The following RNGTT variants were observed in gnomAD, a reference collection of about 807,000 sequenced individuals.
The protein encoded by RNGTT is RNA guanylyltransferase and 5'-phosphatase, also known as mRNA-capping enzyme.
RNGTT carries 33 observed loss-of-function variants against 79.3 expected under a neutral mutation model. The observed-to-expected ratio is 0.42, with a 90% CI of 0.32 to 0.56. The LOEUF (loss-of-function observed/expected upper bound fraction) is 0.56. Among genes scored for constraint, RNGTT ranks in the 20% least tolerant of loss-of-function variants. The probability of loss-of-function intolerance (pLI) is 0.17; values close to 1 mark genes in which losing one functional copy is unlikely to be tolerated. For missense variants in RNGTT, 497 were observed against 739.1 expected, an observed-to-expected ratio of 0.67 and a Z score of 3.80; for synonymous variants, 222 against 235.9, an observed-to-expected ratio of 0.94 and a Z score of 0.54.
At chr6:88,682,683 G>A (rs1369740274) in intron 13 of RNGTT, among the ~76,000 whole-genome samples, 3 of 152,044 alleles carry the variant, frequency 2.0e-5, no homozygotes, top group Non-Finnish European at 4.4e-5. Flanking sequence ...GTGCTGCAAA[G>A]ATCATCCCAT....
intron 2 of RNGTT, among the ~76,000 whole-genome samples, chr6:88,930,041 C>T (rs1184923538): frequency 6.9e-6 from 1 of 145,318 alleles, no homozygotes; most frequent in East Asian, 2.0e-4. Context: ...CATATATATG[C>T]ATATATACAT....
At chr6:88,927,089 T>C (rs1435164151) in intron 4 of RNGTT, among the ~76,000 whole-genome samples, 1 of 152,206 alleles carries the variant, frequency 6.6e-6, no homozygotes, top group Non-Finnish European at 1.5e-5. Flanking sequence ...AAAAAAGTTT[T>C]AAAATATTAC....
At chr6:88,891,284 A>T (rs1221309993) in intron 7 of RNGTT, among the ~76,000 whole-genome samples, 1 of 152,170 alleles carries the variant, frequency 6.6e-6, no homozygotes, top group Non-Finnish European at 1.5e-5. Context: ...ACTGTATTAC[A>T]GTTCTCTGCC....
chr6:88,895,000 TA>T (rs1167499101), intron 6 of RNGTT, among the ~76,000 whole-genome samples: 1 of 152,184 alleles, frequency 6.6e-6, no homozygotes, highest in Non-Finnish European at 1.5e-5. Context: ...AATTGAGTAT[TA>T]AAGTCACTGA....
At chr6:88,664,994 G>A (rs554054976) in intron 14 of RNGTT, among the ~76,000 whole-genome samples, 8 of 152,326 alleles carry the variant, frequency 5.3e-5, no homozygotes, top group Non-Finnish European at 1.2e-4. Context: ...GGGGGGACAT[G>A]AAGTGATTCA....
chr6:88,943,573 A>C (rs995976580), intron 1 of RNGTT, among the ~76,000 whole-genome samples: 7 of 151,996 alleles, frequency 4.6e-5, no homozygotes, highest in Admixed American at 2.0e-4. Flanking sequence ...GGAAAAAAAA[A>C]ACACACACAC....
At chr6:88,813,098 G>C (rs1434403367) in intron 11 of RNGTT, among the ~76,000 whole-genome samples, 2 of 152,152 alleles carry the variant, frequency 1.3e-5, no homozygotes, top group African/African-American at 4.8e-5. Flanking sequence ...TGAGCCTGCA[G>C]GGTGGCAAAT....
At chr6:88,782,795 C>T (rs1779107429) in intron 12 of RNGTT, among the ~76,000 whole-genome samples, 1 of 152,090 alleles carries the variant, frequency 6.6e-6, no homozygotes, top group South Asian at 2.1e-4. Context: ...TGAAAAGCTG[C>T]TCAGCATTTC....
At chr6:88,961,906 C>T (rs1785640708) in intron 1 of RNGTT, among the ~76,000 whole-genome samples, 1 of 152,096 alleles carries the variant, frequency 6.6e-6, no homozygotes, top group Non-Finnish European at 1.5e-5. Context: ...CCCAAATGAC[C>T]ATCAATAGAT....
rs1562202219 is a variant in RNGTT, at chr6:88,698,248, A to AATATATATGAAAT, written c.1440-19830_1440-19829insATTTCATATATAT. Among the ~76,000 whole-genome samples, 28 of 84,432 alleles carry AATATATATGAAAT rather than the reference A, an allele frequency of 3.3e-4. No individual in the cohort carries two copies. The African/African-American group carries it at 3.4e-3, about 10-fold the overall frequency. 55.4% of individuals were successfully genotyped at this position (84,432 alleles called of 152,430 possible). A position where few individuals can be genotyped will look rare whatever the true frequency, so the allele number is the denominator to read the frequency against. ...ATATATATATGAAATATATATATGAAATATATATATAAATATATATGATAT... is the reference window on the plus strand; with the variant it reads ...ATATATATATGAAATATATATATGAAATATATATGAAATATATATATATAAATATATATGATAT... On this transcript the variant is annotated intron_variant, in intron 13 of 15. Coordinates refer to ENST00000369485, the MANE Select transcript of RNGTT (RefSeq NM_003800.5).
chr6:88,694,753 G>A (rs1749539586), intron 13 of RNGTT, among the ~76,000 whole-genome samples: 1 of 152,102 alleles, frequency 6.6e-6, no homozygotes, highest in African/African-American at 2.4e-5. Context: ...TAGATACGCT[G>A]ACCAATGGAA....
intron 11 of RNGTT, among the ~76,000 whole-genome samples, chr6:88,823,661 G>A (rs1780567187): frequency 6.6e-6 from 1 of 152,024 alleles, no homozygotes; most frequent in Non-Finnish European, 1.5e-5. Flanking sequence ...ACTAATGGAT[G>A]GATAGAGAAA....
At chr6:88,614,169 G>A in intron 15 of RNGTT, 103 bp downstream of exon 15, 1 of 1,078,066 alleles carries the variant, frequency 9.3e-7, no homozygotes, top group East Asian at 2.4e-5. Context: ...AAGTCCAAAT[G>A]ACTATGCCCC....
Position 88,633,287 on chromosome 6 carries a change from A to G in RNGTT, c.1507-18892T>C, listed in dbSNP as rs569962966. On this transcript the variant is annotated intron_variant, in intron 14 of 15. Transcript: ENST00000369485. ...GTAGAAAAAAAAAAGCTTGATGAAC[A>G]TTATACAAAGGAATTATAGAAATGA... Among the ~76,000 whole-genome samples the G allele has an allele frequency of 9.9e-5, 15 of 152,280 alleles. 1 individual carries two copies. The South Asian group carries it at 2.1e-3, about 21-fold the overall frequency.
At chr6:88,930,193 C>T (rs533161206) in intron 2 of RNGTT, among the ~76,000 whole-genome samples, 6 of 147,398 alleles carry the variant, frequency 4.1e-5, no homozygotes, top group Non-Finnish European at 7.4e-5. Flanking sequence ...TACATATATA[C>T]ATAAACATAT....
chr6:88,773,241 A>G (rs1331642847), intron 12 of RNGTT, among the ~76,000 whole-genome samples: 1 of 148,974 alleles, frequency 6.7e-6, no homozygotes, highest in Non-Finnish European at 1.5e-5. Context: ...AACACCGCAT[A>G]TTCTCACTCA....
chr6:88,931,814 T>C (rs1784521918), intron 2 of RNGTT, among the ~76,000 whole-genome samples: 1 of 152,178 alleles, frequency 6.6e-6, no homozygotes, highest in African/African-American at 2.4e-5. Context: ...CCTATGCCTG[T>C]CTTTACTTTA....
chr6:88,923,392 T>C, intron 4 of RNGTT, among the ~76,000 whole-genome samples: 1 of 152,206 alleles, frequency 6.6e-6, no homozygotes. Flanking sequence ...TTTAAGGATC[T>C]TGAGAAATAC....
intron 13 of RNGTT, among the ~76,000 whole-genome samples, chr6:88,682,185 A>G (rs1338712056): frequency 6.6e-6 from 1 of 152,254 alleles, no homozygotes; most frequent in Non-Finnish European, 1.5e-5. Context: ...TTTCAAATTA[A>G]AAGTTTAAAA....
Sources: allele counts gnomAD v4.1 joint callset (sites outside exome capture counted in the v4.1 genomes callset), GRCh38; gene constraint gnomAD v4.1.1; transcripts MANE v1.5; gene names NCBI Gene and HGNC (gene_info 2026-07-23, HGNC 2026-07-21).